NAALADL2: variants seen among roughly 807,000 people sequenced by gnomAD.
The protein encoded by NAALADL2 is inactive N-acetylated-alpha-linked acidic dipeptidase-like protein 2.
NAALADL2 carries 76 observed loss-of-function variants against 87.2 expected under a neutral mutation model. That is an observed-to-expected ratio of 0.87 (90% CI 0.72 to 1.05). The LOEUF is 1.05. NAALADL2 is among the 50% of genes least tolerant of loss of function. NAALADL2 has a pLI of 0.00. For synonymous variants in NAALADL2, 354 were observed against 331.0 expected (o/e 1.07, Z -0.75); for missense variants, 1,089 against 945.8 (o/e 1.15, Z -1.99).
At chr3:174,612,988 A>G (rs1401000815) in intron 2 of NAALADL2, among the ~76,000 whole-genome samples, 1 of 152,214 alleles carries the variant, frequency 6.6e-6, no homozygotes, top group African/African-American at 2.4e-5. Context: ...CCTAAGCTGT[A>G]TCTGCATTAG....
intron 10 of NAALADL2, among the ~76,000 whole-genome samples, chr3:175,622,406 C>T (rs954322648): frequency 3.9e-5 from 6 of 152,068 alleles, no homozygotes; most frequent in East Asian, 1.9e-4. Context: ...AATCTTAAAA[C>T]GAACTCTAGT....
At chr3:175,056,761 G>A (rs1054014116) in intron 1 of NAALADL2, among the ~76,000 whole-genome samples, 2 of 152,170 alleles carry the variant, frequency 1.3e-5, no homozygotes, top group African/African-American at 4.8e-5. Flanking sequence ...TAAAGGGATG[G>A]GTCTGGCTAG....
At chr3:175,461,299 C>T (rs572835418) in intron 6 of NAALADL2, among the ~76,000 whole-genome samples, 6 of 152,022 alleles carry the variant, frequency 3.9e-5, no homozygotes, top group South Asian at 2.1e-4. Flanking sequence ...GCTGATGGTG[C>T]GTTTTTACAG....
intron 11 of NAALADL2, among the ~76,000 whole-genome samples, chr3:175,695,083 AC>A (rs752746028): frequency 2.5e-4 from 38 of 152,076 alleles, no homozygotes; most frequent in Admixed American, 6.6e-4. Context: ...AAAAAAAAAA[AC>A]AATCCCTGAG....
At chr3:175,622,809 A>G (rs976956875) in intron 10 of NAALADL2, among the ~76,000 whole-genome samples, 1 of 152,182 alleles carries the variant, frequency 6.6e-6, no homozygotes, top group Non-Finnish European at 1.5e-5. Context: ...AGCATCACAT[A>G]AAACCTTAAA....
At chr3:175,084,182 T>C (rs1180018898) in intron 1 of NAALADL2, among the ~76,000 whole-genome samples, 1 of 152,240 alleles carries the variant, frequency 6.6e-6, no homozygotes. Context: ...TGGTTATTTA[T>C]TGCTGAGTAA....
chr3:175,227,623 C>T (rs1432666370), intron 2 of NAALADL2, among the ~76,000 whole-genome samples: 1 of 151,816 alleles, frequency 6.6e-6, no homozygotes, highest in Non-Finnish European at 1.5e-5. Flanking sequence ...AGTGGTTCAC[C>T]ATAAATCCTG....
intron 1 of NAALADL2, among the ~76,000 whole-genome samples, chr3:175,006,001 G>C (rs1243442684): frequency 1.3e-5 from 2 of 152,112 alleles, no homozygotes; most frequent in Non-Finnish European, 1.5e-5. Context: ...CTGTGGTTAC[G>C]ATGTGCGCGG....
At chr3:174,662,133 T>G (rs976415921) in intron 2 of NAALADL2, among the ~76,000 whole-genome samples, 1 of 152,232 alleles carries the variant, frequency 6.6e-6, no homozygotes, top group Non-Finnish European at 1.5e-5. Context: ...TTAAAAAAAA[T>G]TATCTAAATC....
chr3:174,703,303 CTTTT>C (rs35658602), intron 2 of NAALADL2, among the ~76,000 whole-genome samples: 1 of 123,228 alleles, frequency 8.1e-6, no homozygotes, highest in Non-Finnish European at 1.7e-5. Context: ...CCATGCCTGG[CTTTT>C]TTTTTTTTTT....
intron 5 of NAALADL2, among the ~76,000 whole-genome samples, chr3:175,352,112 G>A (rs1186683169): frequency 6.6e-6 from 1 of 151,968 alleles, no homozygotes; most frequent in Non-Finnish European, 1.5e-5. Context: ...GATTTCAGGT[G>A]GCTCTCAAAC....
At chr3:175,671,039 T>G (rs73881344) in intron 11 of NAALADL2, among the ~76,000 whole-genome samples, 4,397 of 151,758 alleles carry the variant, frequency 0.029, 227 homozygotes, top group African/African-American at 0.1. Flanking sequence ...ATAAAAATTT[T>G]AGACCCTAAA....
rs553968225 is a variant in NAALADL2, at chr3:175,089,301, AG to A, written c.44-7486del. On this transcript the variant is annotated intron_variant, in intron 1 of 13. Transcript: ENST00000454872. ...TTAGTGTCACTTTGGTACCATAACC[AG>A]GGATTAATAAGCCAATAAGATGCAT... 2.1e-3 allele frequency among the ~76,000 whole-genome samples: 320 copies of A among 152,320 alleles called. 3 individuals carry two copies. The highest frequency in any genetic ancestry group is 7.3e-3 in the African/African-American group (304 of 41,564).
chr3:175,502,089 G>A (rs930574920), intron 9 of NAALADL2, among the ~76,000 whole-genome samples: 1 of 152,056 alleles, frequency 6.6e-6, no homozygotes, highest in Non-Finnish European at 1.5e-5. Context: ...AGCACATTGT[G>A]GGGAACTAAA....
rs150337569 is a variant in NAALADL2 at position 175,032,442 on chromosome 3, A to T, written c.44-64348A>T. Among the ~76,000 whole-genome samples, 620 of 152,154 alleles carry T rather than the reference A, an allele frequency of 4.1e-3. 4 individuals are homozygous for T. Among genetic ancestry groups the T allele is most frequent in the Non-Finnish European group, 7.0e-3 (477 of 67,958 alleles). ...AGAATTATATTGCTCATTGTTTATT[A>T]ATATCTACAACATGCCAGGTGTTCA... On this transcript the variant is annotated intron_variant, in intron 1 of 13. Transcript: ENST00000454872.
rs371414342 is a variant in NAALADL2, at chr3:174,998,828, T to A, written c.44-97962T>A. Among the ~76,000 whole-genome samples the A allele has an allele frequency of 4.8e-4, 73 of 152,292 alleles. 1 individual carries two copies. Among genetic ancestry groups the A allele is most frequent in the African/African-American group, 1.6e-3 (67 of 41,564 alleles). On this transcript the variant is annotated intron_variant, in intron 1 of 13. Transcript: ENST00000454872. ...CTATATTTTAATCTATTTGCATATG[T>A]AGGTCATGGCTAAAACCCAGTTTAT...
chr3:175,559,864 A>G (rs1445208106), intron 9 of NAALADL2, among the ~76,000 whole-genome samples: 3 of 152,210 alleles, frequency 2.0e-5, no homozygotes, highest in Non-Finnish European at 4.4e-5. Context: ...TATTGCATCA[A>G]TATTCATCAG....
intron 4 of NAALADL2, chr3:175,256,846 A>G: frequency 5.8e-6 from 1 of 171,472 alleles, no homozygotes; most frequent in Non-Finnish European, 1.2e-5. Context: ...CCTATCTGGA[A>G]TAGTAAAAAA....
intron 3 of NAALADL2, among the ~76,000 whole-genome samples, chr3:174,738,195 T>C (rs1052291289): frequency 3.3e-5 from 5 of 152,210 alleles, no homozygotes; most frequent in African/African-American, 1.2e-4. Flanking sequence ...TTGTTGACCT[T>C]TTGGAACACT....
Sources: allele counts gnomAD v4.1 joint callset (sites outside exome capture counted in the v4.1 genomes callset), GRCh38; gene constraint gnomAD v4.1.1; transcripts MANE v1.5; gene names NCBI Gene and HGNC (gene_info 2026-07-23, HGNC 2026-07-21).